Variants in OTUD7A observed in about 807,000 individuals in gnomAD.
The protein encoded by OTUD7A is OTU domain-containing protein 7A.
Under a neutral mutation model 65.7 loss-of-function variants are expected in OTUD7A, and 12 were observed. The ratio of observed to expected loss-of-function variants is 0.18; its 90% CI spans 0.12 to 0.30. OTUD7A has a LOEUF of 0.30. Among genes scored for constraint, OTUD7A ranks in the 10% least tolerant of loss-of-function variants. The pLI is 1.00. For missense variants in OTUD7A, 1,148 were observed against 1,304.8 expected, an observed-to-expected ratio of 0.88 and a Z score of 1.85; for synonymous variants, 641 against 586.3, an observed-to-expected ratio of 1.09 and a Z score of -1.35.
chr15:31,510,196 G>A (rs1595567384), intron 8 of OTUD7A, among the ~76,000 whole-genome samples: 1 of 151,976 alleles, frequency 6.6e-6, no homozygotes. Context: ...CTGGCCCAGG[G>A]CCATCACTGG....
At chr15:31,501,514 A>T (rs556928461) in intron 10 of OTUD7A, among the ~76,000 whole-genome samples, 176 bp downstream of exon 10, 34 of 152,206 alleles carry the variant, frequency 2.2e-4, no homozygotes, top group Non-Finnish European at 4.3e-4. Context: ...TTTTCAATGA[A>T]AACGTTCACA....
intron 3 of OTUD7A, among the ~76,000 whole-genome samples, chr15:31,609,478 C>T (rs1890333474): frequency 1.3e-5 from 2 of 152,136 alleles, no homozygotes; most frequent in South Asian, 4.1e-4. Context: ...CTGCATGACT[C>T]AGCAGAGGCA....
At chr15:31,510,425 C>G (rs1249110383) in intron 8 of OTUD7A, among the ~76,000 whole-genome samples, 2 of 148,782 alleles carry the variant, frequency 1.3e-5, no homozygotes, top group African/African-American at 5.0e-5. Context: ...AGGAGTGGAG[C>G]TTAGTCTTTT....
chr15:31,850,374 C>T (rs1432633562), intron 1 of OTUD7A, among the ~76,000 whole-genome samples: 1 of 149,852 alleles, frequency 6.7e-6, no homozygotes, highest in Non-Finnish European at 1.5e-5. Context: ...AACACTTGGA[C>T]ACAGGGTGGG....
At chr15:31,836,627 T>G (rs1239262861) in intron 1 of OTUD7A, among the ~76,000 whole-genome samples, 3 of 152,146 alleles carry the variant, frequency 2.0e-5, no homozygotes, top group Non-Finnish European at 4.4e-5. Flanking sequence ...TAGCAATATG[T>G]AAAAAGAATT....
At chr15:31,640,945 TCA>T (rs879637709) in intron 3 of OTUD7A, among the ~76,000 whole-genome samples, 1 of 152,182 alleles carries the variant, frequency 6.6e-6, no homozygotes, top group Non-Finnish European at 1.5e-5. Context: ...TTGATCAACA[TCA>T]CAGTTTTGAT....
chr15:31,589,463 G>GTTTTTTTTTTTT (rs58276599), intron 3 of OTUD7A, among the ~76,000 whole-genome samples: 1 of 116,352 alleles, frequency 8.6e-6, no homozygotes, highest in African/African-American at 3.5e-5. Context: ...TCCTGGGCTT[G>GTTTTTTTTTTTT]TTTTTTTTTT....
chr15:31,807,793 C>T (rs1308557467), intron 1 of OTUD7A, among the ~76,000 whole-genome samples: 1 of 151,986 alleles, frequency 6.6e-6, no homozygotes, highest in Non-Finnish European at 1.5e-5. Flanking sequence ...TACCAACCAC[C>T]TCCACTCCCC....
At chr15:31,863,266 G>A (rs1595823146) in intron 1 of OTUD7A, among the ~76,000 whole-genome samples, 1 of 152,184 alleles carries the variant, frequency 6.6e-6, no homozygotes, top group African/African-American at 2.4e-5. Flanking sequence ...TCTCCATTCT[G>A]TGGTCTGGAA....
At chr15:31,663,261 A>ACACACACACT (rs1377790787) in intron 1 of OTUD7A, among the ~76,000 whole-genome samples, 1 of 151,746 alleles carries the variant, frequency 6.6e-6, no homozygotes, top group East Asian at 1.9e-4. Context: ...ACACACACAC[A>ACACACACACT]CACACACACA....
At chr15:31,736,846 G>A (rs1443524027) in intron 1 of OTUD7A, among the ~76,000 whole-genome samples, 1 of 151,930 alleles carries the variant, frequency 6.6e-6, no homozygotes, top group East Asian at 1.9e-4. Context: ...GCGGGGGGAC[G>A]GAGTCTCGCT....
At chr15:31,785,972 G>A (rs988109221) in intron 1 of OTUD7A, among the ~76,000 whole-genome samples, 4 of 152,282 alleles carry the variant, frequency 2.6e-5, no homozygotes, top group African/African-American at 9.6e-5. Flanking sequence ...AAGAGGCAGA[G>A]CCCTCAGGAA....
At chr15:31,824,594 A>G (rs979058882) in intron 1 of OTUD7A, among the ~76,000 whole-genome samples, 1 of 152,252 alleles carries the variant, frequency 6.6e-6, no homozygotes, top group African/African-American at 2.4e-5. Context: ...TTTTTAAAAT[A>G]GCCTCTTCGA....
intron 8 of OTUD7A, among the ~76,000 whole-genome samples, chr15:31,517,555 A>G (rs1481327705): frequency 6.6e-6 from 1 of 152,236 alleles, no homozygotes; most frequent in African/African-American, 2.4e-5. Flanking sequence ...GACATGCAAT[A>G]TAATGACTTC....
intron 3 of OTUD7A, among the ~76,000 whole-genome samples, chr15:31,648,908 A>G (rs909515592): frequency 2.0e-5 from 3 of 152,028 alleles, no homozygotes; most frequent in African/African-American, 7.2e-5. Flanking sequence ...TTACAGGTGT[A>G]TGCCACCACA....
chr15:31,660,664 A>G (rs1892135818), intron 1 of OTUD7A, among the ~76,000 whole-genome samples: 1 of 152,218 alleles, frequency 6.6e-6, no homozygotes, highest in African/African-American at 2.4e-5. Context: ...GCCCTGGGTG[A>G]GGAGAGGAAA....
chr15:31,661,303 C>T (rs1595692842), intron 1 of OTUD7A, among the ~76,000 whole-genome samples: 1 of 152,098 alleles, frequency 6.6e-6, no homozygotes, highest in East Asian at 1.9e-4. Context: ...ATATCAAATT[C>T]TTCAATGGTT....
intron 1 of OTUD7A, among the ~76,000 whole-genome samples, chr15:31,728,463 A>C (rs1893954426): frequency 6.6e-6 from 1 of 152,166 alleles, no homozygotes; most frequent in African/African-American, 2.4e-5. Context: ...TTCTACAGTT[A>C]CAGAGAATTA....
At chr15:31,858,276 G>T (rs747115891) in intron 1 of OTUD7A, among the ~76,000 whole-genome samples, 1 of 152,192 alleles carries the variant, frequency 6.6e-6, no homozygotes, top group African/African-American at 2.4e-5. Flanking sequence ...CCACTGACCA[G>T]AGTAGTCATA....
Sources: allele counts gnomAD v4.1 joint callset (sites outside exome capture counted in the v4.1 genomes callset), GRCh38; gene constraint gnomAD v4.1.1; transcripts MANE v1.5; gene names NCBI Gene and HGNC (gene_info 2026-07-23, HGNC 2026-07-21).